The following LARS2 variants were observed in gnomAD, a reference collection of about 807,000 sequenced individuals.
LARS2 encodes the protein leucine--tRNA ligase, mitochondrial.
Under a neutral mutation model 116.6 loss-of-function variants are expected in LARS2, and 81 were observed. That is an observed-to-expected ratio of 0.69 (90% confidence interval 0.58 to 0.84). LARS2 has a LOEUF of 0.84. Ranked by LOEUF, LARS2 falls within the 40% of genes least tolerant of loss-of-function variation. The pLI, the probability that LARS2 is intolerant of heterozygous loss-of-function variation, is 0.00. For synonymous variants in LARS2, 396 were observed against 407.2 expected (o/e 0.97, Z 0.33); for missense variants, 968 against 1,114.5 (o/e 0.87, Z 1.87).
rs548694038 is a variant in LARS2, at chr3:45,540,698, G to A, written c.2405-1131G>A. Among the ~76,000 whole-genome samples the A allele has an allele frequency of 2.0e-5, 3 of 152,278 alleles. No homozygotes were observed. The South Asian group carries it at 6.2e-4, about 32-fold the overall frequency. Reference sequence around the variant, plus strand: ...GTGTGTATTCCCTGTGCCTTTGGGGGCATCTCTTATACTCATGAAATCAAC... The same window carrying A: ...GTGTGTATTCCCTGTGCCTTTGGGGACATCTCTTATACTCATGAAATCAAC... On this transcript the variant is annotated intron_variant, in intron 20 of 21. Transcript: ENST00000645846.
chr3:45,487,364 A>G (rs1699833391), intron 11 of LARS2, among the ~76,000 whole-genome samples: 1 of 152,218 alleles, frequency 6.6e-6, no homozygotes, highest in Admixed American at 6.5e-5. Flanking sequence ...AGAACACTAC[A>G]AAACTTTCCA....
At chr3:45,463,037 C>T (rs1699359519) in intron 8 of LARS2, among the ~76,000 whole-genome samples, 1 of 152,164 alleles carries the variant, frequency 6.6e-6, no homozygotes, top group Non-Finnish European at 1.5e-5. Context: ...TTAGTCTTGG[C>T]AGAGCTGTGT....
chr3:45,400,944 G>T (rs1698136447), intron 4 of LARS2, among the ~76,000 whole-genome samples: 1 of 151,846 alleles, frequency 6.6e-6, no homozygotes, highest in East Asian at 1.9e-4. Context: ...CTCCCGAGTA[G>T]CTGGGACTAC....
At chr3:45,459,587 T>G (rs935996207) in intron 8 of LARS2, among the ~76,000 whole-genome samples, 2 of 152,166 alleles carry the variant, frequency 1.3e-5, no homozygotes, top group African/African-American at 4.8e-5. Context: ...AAACCAATCA[T>G]TGAAAGCAGG....
At chr3:45,471,505 A>C (rs1424214142) in intron 8 of LARS2, among the ~76,000 whole-genome samples, 6 of 152,220 alleles carry the variant, frequency 3.9e-5, no homozygotes, top group Non-Finnish European at 8.8e-5. Flanking sequence ...GAAGTTTCCC[A>C]GCCTTGACGA....
chr3:45,538,698 C>T (rs982748195), intron 20 of LARS2, among the ~76,000 whole-genome samples: 6 of 152,200 alleles, frequency 3.9e-5, no homozygotes, highest in African/African-American at 1.4e-4. Context: ...CACAGGGTTA[C>T]AGCAAGAGTG....
intron 16 of LARS2, among the ~76,000 whole-genome samples, chr3:45,514,882 C>T (rs1700349080): frequency 6.6e-6 from 1 of 152,200 alleles, no homozygotes; most frequent in African/African-American, 2.4e-5. Flanking sequence ...TTCAGTCTCC[C>T]CTTCTCTGCT....
At chr3:45,472,578 G>T (rs574625238) in intron 8 of LARS2, among the ~76,000 whole-genome samples, 1 of 152,202 alleles carries the variant, frequency 6.6e-6, no homozygotes, top group Non-Finnish European at 1.5e-5. Flanking sequence ...TAAGATAATA[G>T]AAGCAGATGG....
intron 7 of LARS2, among the ~76,000 whole-genome samples, chr3:45,449,892 T>C (rs1269533528): frequency 6.6e-6 from 1 of 152,250 alleles, no homozygotes; most frequent in Non-Finnish European, 1.5e-5. Context: ...TTAAGTCTTT[T>C]GTTCTTAACA....
At chr3:45,504,915 A>G (rs1223226414) in intron 15 of LARS2, among the ~76,000 whole-genome samples, 3 of 151,692 alleles carry the variant, frequency 2.0e-5, no homozygotes, top group East Asian at 3.9e-4. Context: ...CCCCATCTCT[A>G]CTAAAAATAC....
At chr3:45,542,738 G>T (rs998444836) in intron 21 of LARS2, among the ~76,000 whole-genome samples, 3 of 152,174 alleles carry the variant, frequency 2.0e-5, no homozygotes, top group African/African-American at 2.4e-5. Flanking sequence ...CAGTGAAGTT[G>T]GTCCACCTTG....
chr3:45,491,507 T>G lies in LARS2; in HGVS notation c.1240-10T>G, dbSNP rs775814865. 6.2e-7 allele frequency: 1 copy of G among 1,612,570 alleles called. No individual in the cohort carries two copies. Among genetic ancestry groups the G allele is most frequent in the East Asian group, 2.2e-5 (1 of 44,820 alleles). On this transcript the variant is annotated splice_polypyrimidine_tract_variant and intron_variant, in intron 12 of 21. Coordinates refer to ENST00000645846, the MANE Select transcript of LARS2 (RefSeq NM_015340.4). Reference sequence around the variant, plus strand: ...GGAGAGGAGTGAGCTTTCTTTTCTTTCCCTGTCAGTTCACAGGTATGACCC... The same window carrying G: ...GGAGAGGAGTGAGCTTTCTTTTCTTGCCCTGTCAGTTCACAGGTATGACCC...
At chr3:45,448,299 A>G (rs1014491916) in intron 7 of LARS2, among the ~76,000 whole-genome samples, 21 of 152,218 alleles carry the variant, frequency 1.4e-4, no homozygotes, top group Admixed American at 6.5e-5. Flanking sequence ...AGAAAACCAC[A>G]CTAGGCTGCT....
At chr3:45,491,894 C>T in intron 13 of LARS2, 94 bp downstream of exon 13, 1 of 1,222,056 alleles carries the variant, frequency 8.2e-7, no homozygotes, top group Non-Finnish European at 1.1e-6. Flanking sequence ...GCTAACTCTG[C>T]TCCCTTTTTC....
intron 20 of LARS2, among the ~76,000 whole-genome samples, chr3:45,536,316 C>G (rs1700704332): frequency 6.6e-6 from 1 of 152,040 alleles, no homozygotes; most frequent in East Asian, 1.9e-4. Flanking sequence ...AGACTAGGGC[C>G]TAGGCTAGTC....
intron 10 of LARS2, among the ~76,000 whole-genome samples, chr3:45,477,764 G>A (rs1160971736): frequency 1.3e-5 from 2 of 152,162 alleles, no homozygotes; most frequent in Admixed American, 6.5e-5. Flanking sequence ...GTCTGAAATA[G>A]CATTTGACTA....
At chr3:45,400,469 T>C (rs1698127564) in intron 4 of LARS2, 96 bp downstream of exon 4, 1 of 1,204,000 alleles carries the variant, frequency 8.3e-7, no homozygotes. Context: ...AAACCAACTT[T>C]AGTTAAGATT....
chr3:45,522,351 G>A (rs1700468063), intron 19 of LARS2, among the ~76,000 whole-genome samples: 1 of 152,204 alleles, frequency 6.6e-6, no homozygotes, highest in Admixed American at 6.5e-5. Flanking sequence ...ATATCAATAA[G>A]AAAGGAATGT....
At chr3:45,492,200 A>T (rs1303589601) in intron 13 of LARS2, among the ~76,000 whole-genome samples, 2 of 152,244 alleles carry the variant, frequency 1.3e-5, no homozygotes, top group African/African-American at 4.8e-5. Flanking sequence ...CAATATAGTG[A>T]CTGTAACAAC....
Sources: allele counts gnomAD v4.1 joint callset (sites outside exome capture counted in the v4.1 genomes callset), GRCh38; gene constraint gnomAD v4.1.1; transcripts MANE v1.5; gene names NCBI Gene and HGNC (gene_info 2026-07-23, HGNC 2026-07-21).